MAB21L3: variants seen among roughly 807,000 people sequenced by gnomAD.
The protein encoded by MAB21L3 is protein mab-21-like 3.
Under a neutral mutation model 37.7 loss-of-function variants are expected in MAB21L3, and 36 were observed. That is an observed-to-expected ratio of 0.96 (90% CI 0.73 to 1.26). The LOEUF is 1.26. Among genes scored for constraint, MAB21L3 ranks in the 50% most tolerant of loss-of-function variants. The probability of loss-of-function intolerance (pLI) is 0.00; values close to 1 mark genes in which losing one functional copy is unlikely to be tolerated. For missense variants in MAB21L3, 430 were observed against 447.3 expected (o/e 0.96, Z 0.35); for synonymous variants, 186 against 176.8 (o/e 1.05, Z -0.41).
intron 7 of MAB21L3, among the ~76,000 whole-genome samples, chr1:116,130,035 C>T (rs979154116): frequency 6.6e-6 from 1 of 152,194 alleles, no homozygotes; most frequent in African/African-American, 2.4e-5. Context: ...TCTTGCTTTC[C>T]TTTATACAGG....
intron 5 of MAB21L3, among the ~76,000 whole-genome samples, chr1:116,125,708 A>T (rs1659889311): frequency 1.3e-5 from 2 of 152,256 alleles, no homozygotes; most frequent in Admixed American, 6.5e-5. Flanking sequence ...ACTAAGTAGA[A>T]TAAGTTTCAT....
rs1660165925 is a variant in MAB21L3, at chr1:116,134,730, C to A, written c.*1365C>A. The A allele has an allele frequency of 6.6e-6, 1 of 152,010 alleles. No individual in the cohort carries two copies. Among genetic ancestry groups the A allele is most frequent in the African/African-American group, 2.4e-5 (1 of 41,376 alleles). The allele number at this position is 152,010 out of a possible 1,614,324, so 9.4% of individuals were successfully genotyped here. ...TCTGGGGACTCACACAGGAGCTGGG[C>A]ACTGAGTGCTCTTGAGCCACCCATT... On this transcript the variant is annotated 3_prime_UTR_variant, in exon 8 of 8. Transcript: ENST00000369500.
At chr1:116,118,753 G>A (rs1254627200) in intron 3 of MAB21L3, among the ~76,000 whole-genome samples, 3 of 152,194 alleles carry the variant, frequency 2.0e-5, no homozygotes, top group African/African-American at 7.2e-5. Context: ...CTCAATACCT[G>A]CTATTTTCTC....
chr1:116,137,737 T>C lies in MAB21L3; in HGVS notation c.*4372T>C, dbSNP rs900182160. ...TGGAACCAACCCAAATATCCAACAA[T>C]GATAGAGTGGATTAAGAAAATGTGG... On this transcript the variant is annotated 3_prime_UTR_variant, in exon 8 of 8. Transcript: ENST00000369500. Among the ~76,000 whole-genome samples, 35 of 151,968 alleles carry C rather than the reference T, an allele frequency of 2.3e-4. No homozygotes were observed. Among genetic ancestry groups the C allele is most frequent in the East Asian group, 7.7e-4 (4 of 5,162 alleles).
chr1:116,132,147 T>C (rs953714248), intron 7 of MAB21L3, among the ~76,000 whole-genome samples: 9 of 152,120 alleles, frequency 5.9e-5, no homozygotes, highest in African/African-American at 2.2e-4. Context: ...AAGTCTGGGC[T>C]GGAGACACAA....
At chr1:116,132,582 T>C (rs1660100395) in intron 7 of MAB21L3, among the ~76,000 whole-genome samples, 1 of 151,966 alleles carries the variant, frequency 6.6e-6, no homozygotes, top group Non-Finnish European at 1.5e-5. Flanking sequence ...TGACCACAAA[T>C]AATAGAGCCG....
At chr1:116,117,353 T>G (rs1236109308) in intron 3 of MAB21L3, among the ~76,000 whole-genome samples, 2 of 151,926 alleles carry the variant, frequency 1.3e-5, no homozygotes. Flanking sequence ...TCTATCTAAT[T>G]AACACTTTTA....
At chr1:116,113,985 G>A (rs1041831237) in intron 3 of MAB21L3, among the ~76,000 whole-genome samples, 1 of 152,116 alleles carries the variant, frequency 6.6e-6, no homozygotes, top group African/African-American at 2.4e-5. Context: ...CAGGCCAAGG[G>A]CCCCAGCTCC....
chr1:116,117,162 CATATAT>C (rs35799148), intron 3 of MAB21L3, among the ~76,000 whole-genome samples: 1,355 of 114,554 alleles, frequency 0.012, 19 homozygotes, highest in East Asian at 0.043. Context: ...AATATACATA[CATATAT>C]ATATATATAT....
chr1:116,124,284 C>T lies in MAB21L3; in HGVS notation c.408C>T (p.Asp136=), dbSNP rs2101614664. The part of the protein sequence containing the change: ...WHETDVNIDG[D]IVPAKVLLVF... ...AGACAGATGTGAACATCGACGGAGA[C>T]ATTGTGCCTGCCAAGGTCCTCCTAG... The change falls in exon 5 of 8, where the codon GAC becomes GAT. Residue 136 remains aspartate, a synonymous_variant. Transcript: ENST00000369500. 1 of 1,614,156 alleles carries T rather than the reference C, an allele frequency of 6.2e-7. No homozygotes were observed. Among genetic ancestry groups the T allele is most frequent in the Non-Finnish European group, 8.5e-7 (1 of 1,180,046 alleles).
intron 3 of MAB21L3, among the ~76,000 whole-genome samples, chr1:116,120,652 T>G (rs1231212422): frequency 1.3e-5 from 2 of 152,116 alleles, no homozygotes; most frequent in African/African-American, 4.8e-5. Context: ...TAATCACTGT[T>G]GTGTCCCCAG....
intron 7 of MAB21L3, among the ~76,000 whole-genome samples, chr1:116,130,603 G>T (rs940142245): frequency 1.3e-5 from 2 of 152,200 alleles, no homozygotes; most frequent in South Asian, 2.1e-4. Flanking sequence ...AGTGGAAGAG[G>T]TTGGGTTGCA....
intron 7 of MAB21L3, among the ~76,000 whole-genome samples, chr1:116,131,643 T>C (rs958180563): frequency 6.6e-6 from 1 of 152,176 alleles, no homozygotes; most frequent in Non-Finnish European, 1.5e-5. Context: ...GCCTCCCAAG[T>C]AGCTGGGACT....
At chr1:116,115,756 A>G (rs2101608212) in intron 3 of MAB21L3, among the ~76,000 whole-genome samples, 1 of 152,336 alleles carries the variant, frequency 6.6e-6, no homozygotes, top group East Asian at 1.9e-4. Context: ...TAAATTATTC[A>G]TGAACTTGAG....
chr1:116,122,033 T>C lies in MAB21L3; in HGVS notation c.189+961T>C, dbSNP rs573854473. ...CGATTGTAAGGACCAAGTTTACTATTCGTTTTGTTCCTAGCACCCAGCATG... is the reference window on the plus strand; with the variant it reads ...CGATTGTAAGGACCAAGTTTACTATCCGTTTTGTTCCTAGCACCCAGCATG... On this transcript the variant is annotated intron_variant, in intron 4 of 7. Transcript: ENST00000369500. Among the ~76,000 whole-genome samples, 26 of 152,368 alleles carry C rather than the reference T, an allele frequency of 1.7e-4. No homozygotes were observed. In the South Asian group the frequency reaches 5.4e-3, roughly 32 times the overall value.
intron 3 of MAB21L3, among the ~76,000 whole-genome samples, chr1:116,115,186 A>C (rs1659553958): frequency 6.6e-6 from 1 of 152,142 alleles, no homozygotes; most frequent in Non-Finnish European, 1.5e-5. Flanking sequence ...GAATGAGCCT[A>C]CTCTTATAAA....
chr1:116,124,628 CT>C (rs1279613986), intron 5 of MAB21L3, among the ~76,000 whole-genome samples: 2 of 152,108 alleles, frequency 1.3e-5, no homozygotes, highest in African/African-American at 4.8e-5. Context: ...GATTATGCAC[CT>C]TAACCAGGCT....
At chr1:116,133,043 T>C (rs1660115279) in intron 7 of MAB21L3, 89 bp from the exon 8 acceptor site, 8 of 1,115,690 alleles carry the variant, frequency 7.2e-6, no homozygotes, top group Middle Eastern at 3.9e-4. Context: ...TCTCCCTCCT[T>C]CCAAGGCCAC....
intron 7 of MAB21L3, among the ~76,000 whole-genome samples, chr1:116,129,521 C>G (rs1182398184): frequency 6.6e-6 from 1 of 152,180 alleles, no homozygotes; most frequent in Non-Finnish European, 1.5e-5. Context: ...GTGCCTTCCT[C>G]ACATACCTCT....
Sources: gnomAD v4.1 joint callset for allele counts (sites outside exome capture counted in the v4.1 genomes callset) on GRCh38, gnomAD v4.1.1 for gene constraint, MANE v1.5 for transcripts, NCBI Gene and HGNC (gene_info 2026-07-23, HGNC 2026-07-21) for gene names.